The following CNKSR2 variants were observed in gnomAD, a reference collection of about 807,000 sequenced individuals.
The protein encoded by CNKSR2 is connector enhancer of kinase suppressor of Ras 2, also known as CNK homolog protein 2.
CNKSR2 carries 14 observed loss-of-function variants against 84.4 expected under a neutral mutation model. The ratio of observed to expected loss-of-function variants is 0.17; its 90% CI spans 0.11 to 0.26. CNKSR2 has a LOEUF of 0.26. Ranked by LOEUF, CNKSR2 falls within the 10% of genes least tolerant of loss-of-function variation. The probability of loss-of-function intolerance (pLI) is 1.00; values close to 1 mark genes in which losing one functional copy is unlikely to be tolerated. For synonymous variants in CNKSR2, 275 were observed against 277.9 expected, an observed-to-expected ratio of 0.99 and a Z score of 0.10; for missense variants, 485 against 771.2, an observed-to-expected ratio of 0.63 and a Z score of 4.40.
At chrX:21,501,196 A>C (rs902566531) in intron 7 of CNKSR2, among the ~76,000 whole-genome samples, 4 of 110,843 alleles carry the variant, frequency 3.6e-5, no homozygotes, top group African/African-American at 1.3e-4. Flanking sequence ...ACCAATTATC[A>C]TTTTTTCATA....
intron 13 of CNKSR2, among the ~76,000 whole-genome samples, chrX:21,575,892 T>C: frequency 8.9e-6 from 1 of 112,162 alleles, no homozygotes; most frequent in Non-Finnish European, 1.9e-5. Flanking sequence ...TAAGAAGACA[T>C]GACAATCTTA....
At chrX:21,478,867 T>G (rs1342496585) in intron 5 of CNKSR2, among the ~76,000 whole-genome samples, 1 of 111,882 alleles carries the variant, frequency 8.9e-6, no homozygotes, top group Non-Finnish European at 1.9e-5. Context: ...ATTGAAGAAC[T>G]GTCTTTATTT....
rs2089772783 is a variant in CNKSR2, at chrX:21,374,614, CAGCAGCAGCAGCAGCA to C, written c.-283_-268del. The C allele has an allele frequency of 3.4e-5, 17 of 505,617 alleles. No homozygotes were observed. The highest frequency in any genetic ancestry group is 5.5e-5 in the Non-Finnish European group (16 of 288,431). 41.7% of individuals were successfully genotyped at this position (505,617 alleles called of 1,213,427 possible). ...GCGGAGGCAGCAGCAGCAGCAGCAG[CAGCAGCAGCAGCAGCA>C]GCCGCCGCCGCCGCCGCCTTAGCGG... On this transcript the variant is annotated 5_prime_UTR_variant, in exon 1 of 22. Transcript: ENST00000379510.
chrX:21,522,099 C>T (rs2091790552), intron 9 of CNKSR2, among the ~76,000 whole-genome samples: 1 of 110,846 alleles, frequency 9.0e-6, no homozygotes, highest in African/African-American at 3.3e-5. Context: ...TTCTCTGAAG[C>T]ATTTGCTTAG....
chrX:21,425,183 A>T (rs1186321357), intron 1 of CNKSR2: 7 of 111,209 alleles, frequency 6.3e-5, no homozygotes, highest in African/African-American at 2.3e-4. Flanking sequence ...TGCTTTGAAG[A>T]CTCCTCAACC....
At chrX:21,579,291 A>T (rs1438111907) in intron 13 of CNKSR2, among the ~76,000 whole-genome samples, 1 of 112,067 alleles carries the variant, frequency 8.9e-6, no homozygotes, top group Non-Finnish European at 1.9e-5. Flanking sequence ...ATAGGAAACT[A>T]CCAAACTGAG....
At chrX:21,639,927 G>A (rs1037522425) in intron 20 of CNKSR2, among the ~76,000 whole-genome samples, 1 of 111,809 alleles carries the variant, frequency 8.9e-6, no homozygotes, top group Admixed American at 9.5e-5. Context: ...CTGAGATTCA[G>A]TAGTCACTAG....
At chrX:21,420,791 C>T (rs1321159140) in intron 1 of CNKSR2, among the ~76,000 whole-genome samples, 1 of 110,224 alleles carries the variant, frequency 9.1e-6, no homozygotes, top group Admixed American at 9.7e-5. Flanking sequence ...GTTTTCTCCT[C>T]AAGCGGAAGG....
intron 4 of CNKSR2, among the ~76,000 whole-genome samples, chrX:21,450,198 A>G (rs1246214761): frequency 9.0e-6 from 1 of 111,244 alleles, no homozygotes; most frequent in Admixed American, 9.6e-5. Flanking sequence ...TCCAAGCACA[A>G]AATTCTGGTT....
chrX:21,537,816 A>G (rs1401543858), intron 11 of CNKSR2: 3 of 102,504 alleles, frequency 2.9e-5, no homozygotes, highest in African/African-American at 1.1e-4. Context: ...TAATCCACTC[A>G]GCCAGTCTAT....
intron 4 of CNKSR2, among the ~76,000 whole-genome samples, chrX:21,458,968 G>T (rs1269500413): frequency 1.9e-5 from 2 of 107,737 alleles, no homozygotes; most frequent in African/African-American, 6.8e-5. Context: ...TTCCTCTGAG[G>T]AATAAGCAGC....
At chrX:21,605,242 G>C (rs752081595) in intron 18 of CNKSR2, among the ~76,000 whole-genome samples, 1 of 111,614 alleles carries the variant, frequency 9.0e-6, no homozygotes, top group African/African-American at 3.3e-5. Context: ...TGCTGGGTCC[G>C]TTTCTGGGCA....
At chrX:21,474,727 G>C in intron 5 of CNKSR2, among the ~76,000 whole-genome samples, 1 of 111,818 alleles carries the variant, frequency 8.9e-6, no homozygotes, top group South Asian at 3.7e-4. Flanking sequence ...ACGCCTCTAA[G>C]TGGCAATCCA....
At chrX:21,561,373 T>C (rs993703149) in intron 11 of CNKSR2, 98 bp from the exon 12 acceptor site, 27 of 627,253 alleles carry the variant, frequency 4.3e-5, no homozygotes, top group African/African-American at 6.8e-5. Context: ...TGCATAAGAG[T>C]GAGTGTGTTT....
At chrX:21,419,563 T>A (rs1370106753) in intron 1 of CNKSR2, among the ~76,000 whole-genome samples, 1 of 111,334 alleles carries the variant, frequency 9.0e-6, no homozygotes, top group African/African-American at 3.3e-5. Context: ...TTCCAGATAT[T>A]CAAAAGGACT....
rs906773374 is a variant in CNKSR2, at chrX:21,465,762, A to G, written c.520-5004A>G. ...ACTGTTCTTATGATTATAATATACA[A>G]TTGATGAGAAATATTACTTGTTCTG... On this transcript the variant is annotated intron_variant, in intron 4 of 21. Coordinates refer to ENST00000379510, the MANE Select transcript of CNKSR2 (RefSeq NM_014927.5). 4.5e-5 allele frequency among the ~76,000 whole-genome samples: 5 copies of G among 111,559 alleles called. No individual in the cohort carries two copies. In the East Asian group the frequency reaches 8.4e-4, roughly 19 times the overall value.
At chrX:21,416,199 T>A (rs1378315296) in intron 1 of CNKSR2, among the ~76,000 whole-genome samples, 1 of 112,076 alleles carries the variant, frequency 8.9e-6, no homozygotes, top group East Asian at 2.8e-4. Context: ...AATGAAATGA[T>A]CAGATGGTTT....
intron 1 of CNKSR2, among the ~76,000 whole-genome samples, chrX:21,389,400 A>G (rs2090016438): frequency 9.0e-6 from 1 of 110,663 alleles, no homozygotes; most frequent in African/African-American, 3.3e-5. Context: ...AAGAGTATAC[A>G]GGAACTCTTT....
In CNKSR2 at chrX:21,641,832, T is replaced by C. The variant is rs1350823826; in HGVS notation, c.2693-6999T>C. 16 of 949,651 alleles carry C rather than the reference T, an allele frequency of 1.7e-5. No individual in the cohort carries two copies. In the East Asian group the frequency reaches 7.2e-4, roughly 43 times the overall value. 78.3% of individuals were successfully genotyped at this position (949,651 alleles called of 1,213,427 possible). A position where few individuals can be genotyped will look rare whatever the true frequency, so the allele number is the denominator to read the frequency against. On this transcript the variant is annotated intron_variant, in intron 20 of 21. Transcript: ENST00000379510. Reference sequence around the variant, plus strand: ...CCACTCTTAAGAAGAATGCGAGCTTTCTACATTGGGACTAGCATAAGATCA... The same window carrying C: ...CCACTCTTAAGAAGAATGCGAGCTTCCTACATTGGGACTAGCATAAGATCA...
Sources: gnomAD v4.1 joint callset for allele counts (sites outside exome capture counted in the v4.1 genomes callset) on GRCh38, gnomAD v4.1.1 for gene constraint, MANE v1.5 for transcripts, NCBI Gene and HGNC (gene_info 2026-07-23, HGNC 2026-07-21) for gene names.